The following CNTN3 variants were observed in gnomAD, a reference collection of about 807,000 sequenced individuals.
CNTN3 encodes contactin-3.
CNTN3 carries 60 observed loss-of-function variants against 119.1 expected under a neutral mutation model. That is an observed-to-expected ratio of 0.50 (90% CI 0.41 to 0.62). CNTN3 has a LOEUF of 0.62. Ranked by LOEUF, CNTN3 falls within the 20% of genes least tolerant of loss-of-function variation. The probability of loss-of-function intolerance (pLI) is 0.00; values close to 1 mark genes in which losing one functional copy is unlikely to be tolerated. For synonymous variants in CNTN3, 450 were observed against 438.7 expected, an observed-to-expected ratio of 1.03 and a Z score of -0.32; for missense variants, 1,101 against 1,242.4, an observed-to-expected ratio of 0.89 and a Z score of 1.71.
chr3:74,272,021 C>A (rs934642126), intron 20 of CNTN3, among the ~76,000 whole-genome samples: 1 of 152,092 alleles, frequency 6.6e-6, no homozygotes, highest in Non-Finnish European at 1.5e-5. Flanking sequence ...AAAAGTTCTC[C>A]TTTGCATAAT....
At chr3:74,473,846 T>C (rs948793301) in intron 4 of CNTN3, among the ~76,000 whole-genome samples, 3 of 151,902 alleles carry the variant, frequency 2.0e-5, no homozygotes, top group Non-Finnish European at 4.4e-5. Context: ...TAAGGCAAGA[T>C]AAGTGTGAGA....
chr3:74,491,381 T>C (rs1488339384), intron 3 of CNTN3, among the ~76,000 whole-genome samples: 1 of 151,956 alleles, frequency 6.6e-6, no homozygotes, highest in Admixed American at 6.6e-5. Flanking sequence ...CATGTGCTTG[T>C]AGTCCCAGCT....
intron 5 of CNTN3, among the ~76,000 whole-genome samples, chr3:74,401,697 T>C (rs1452519665): frequency 1.3e-5 from 2 of 152,206 alleles, no homozygotes; most frequent in Non-Finnish European, 2.9e-5. Context: ...TAATGTAATG[T>C]GGGCTATTAA....
At chr3:74,544,180 C>T (rs556873646) in intron 1 of CNTN3, among the ~76,000 whole-genome samples, 4 of 152,168 alleles carry the variant, frequency 2.6e-5, no homozygotes, top group Admixed American at 2.6e-4. Flanking sequence ...GTCAGGTTGG[C>T]ACTGAAAGGG....
intron 5 of CNTN3, among the ~76,000 whole-genome samples, chr3:74,420,453 T>A (rs1282269683): frequency 6.6e-6 from 1 of 152,178 alleles, no homozygotes; most frequent in Non-Finnish European, 1.5e-5. Context: ...TTATCCCAAA[T>A]AAACAAAAGA....
At chr3:74,505,539 A>AG (rs1559637228) in intron 2 of CNTN3, among the ~76,000 whole-genome samples, 6 of 151,552 alleles carry the variant, frequency 4.0e-5, no homozygotes, top group African/African-American at 7.3e-5. Flanking sequence ...CATACACACA[A>AG]TATGTTACAG....
chr3:74,396,822 T>C (rs191513516), intron 5 of CNTN3, among the ~76,000 whole-genome samples: 2 of 150,520 alleles, frequency 1.3e-5, no homozygotes, highest in African/African-American at 4.9e-5. Flanking sequence ...CAGAGGTTTA[T>C]GAGGTTTAAG....
chr3:74,296,284 C>T (rs749321839), intron 18 of CNTN3, among the ~76,000 whole-genome samples: 2 of 152,100 alleles, frequency 1.3e-5, no homozygotes, highest in Non-Finnish European at 2.9e-5. Context: ...GGCAACAATG[C>T]GTAAGAGGCT....
At chr3:74,323,989 T>C (rs528746147) in intron 13 of CNTN3, among the ~76,000 whole-genome samples, 4 of 152,224 alleles carry the variant, frequency 2.6e-5, no homozygotes, top group South Asian at 2.1e-4. Context: ...TACTACTGAC[T>C]CTCTTAGAAC....
intron 5 of CNTN3, among the ~76,000 whole-genome samples, chr3:74,415,940 C>T (rs1701512838): frequency 6.6e-6 from 1 of 152,176 alleles, no homozygotes; most frequent in Admixed American, 6.5e-5. Context: ...CAGGTGTTCT[C>T]CCTGGGCCAA....
intron 4 of CNTN3, among the ~76,000 whole-genome samples, chr3:74,477,637 AAG>A (rs1229366575): frequency 6.6e-6 from 1 of 152,116 alleles, no homozygotes; most frequent in Non-Finnish European, 1.5e-5. Flanking sequence ...GTAAAATAAA[AAG>A]AGTTAGACAG....
At chr3:74,357,434 G>A (rs1009840359) in intron 11 of CNTN3, among the ~76,000 whole-genome samples, 4 of 151,816 alleles carry the variant, frequency 2.6e-5, no homozygotes, top group Non-Finnish European at 4.4e-5. Context: ...CAGTCATGCA[G>A]CACCACACCC....
At chr3:74,353,399 A>G (rs1373155078) in intron 11 of CNTN3, among the ~76,000 whole-genome samples, 1 of 152,222 alleles carries the variant, frequency 6.6e-6, no homozygotes, top group African/African-American at 2.4e-5. Context: ...TTGAGCTTTT[A>G]AACTCCTTTA....
intron 5 of CNTN3, among the ~76,000 whole-genome samples, chr3:74,412,731 T>C (rs1445867840): frequency 6.6e-6 from 1 of 152,198 alleles, no homozygotes; most frequent in African/African-American, 2.4e-5. Context: ...GCATACAGTT[T>C]CTGGCTTTTC....
chr3:74,548,202 T>C (rs1345882178), intron 1 of CNTN3, among the ~76,000 whole-genome samples: 1 of 152,218 alleles, frequency 6.6e-6, no homozygotes, highest in South Asian at 2.1e-4. Context: ...TGTCTATTTT[T>C]ATGACAAATC....
chr3:74,491,918 G>A (rs1702971967), intron 3 of CNTN3, among the ~76,000 whole-genome samples: 1 of 152,018 alleles, frequency 6.6e-6, no homozygotes. Context: ...ATTCCAAAAG[G>A]CTTAATGCAG....
intron 1 of CNTN3, among the ~76,000 whole-genome samples, chr3:74,565,608 C>T (rs1039896180): frequency 1.3e-5 from 2 of 152,072 alleles, no homozygotes; most frequent in African/African-American, 4.8e-5. Context: ...AGAATGGAAC[C>T]CAGAAATGAA....
At chr3:74,381,182 TA>T (rs542216743) in intron 5 of CNTN3, among the ~76,000 whole-genome samples, 47 of 150,524 alleles carry the variant, frequency 3.1e-4, no homozygotes, top group Middle Eastern at 3.4e-3. Context: ...TAAACACCAT[TA>T]AAAAAAACCC....
chr3:74,609,343 C>A (rs1160643642), intron 1 of CNTN3, among the ~76,000 whole-genome samples: 1 of 152,172 alleles, frequency 6.6e-6, no homozygotes, highest in Admixed American at 6.5e-5. Context: ...AGGAGAAAGT[C>A]ATTTCTTAAT....
Sources: allele counts gnomAD v4.1 joint callset (sites outside exome capture counted in the v4.1 genomes callset), GRCh38; gene constraint gnomAD v4.1.1; transcripts MANE v1.5; gene names NCBI Gene and HGNC (gene_info 2026-07-23, HGNC 2026-07-21).